LY6D: variants seen among roughly 807,000 people sequenced by gnomAD.
LY6D encodes lymphocyte antigen 6 family member D.
In LY6D, 7 loss-of-function variants were observed where a neutral mutation model predicts 5.6. The observed-to-expected ratio is 1.24, with a 90% CI of 0.71 to 2.34. The LOEUF (loss-of-function observed/expected upper bound fraction) is 2.34, where lower values mean the gene tolerates loss of function less well. LY6D is among the 30% of genes most tolerant of loss of function. The pLI is 0.00. For missense variants in LY6D, 148 were observed against 164.8 expected (o/e 0.90, Z 0.56); for synonymous variants, 81 against 75.0 (o/e 1.08, Z -0.41).
chr8:142,785,640 G>T lies in LY6D; in HGVS notation c.100C>A (p.His34Asn). 5 of 1,613,742 alleles carry T rather than the reference G, an allele frequency of 3.1e-6. No homozygotes were observed. The highest frequency in any genetic ancestry group is 2.2e-5 in the South Asian group (2 of 91,080). Residue 34 changes from histidine to asparagine, a missense_variant, in exon 2 of 3, where the codon CAT becomes AAT. Coordinates refer to ENST00000301263, the MANE Select transcript of LY6D (RefSeq NM_003695.3). ...HVCTSSSNCK[H>N]SVVCPASSRF... Reference sequence around the variant, plus strand: ...GAGCTGGCCGGGCAGACCACAGAATGCTTGCAGTTGCTGGAGCTGGTGCAC... The same window carrying T: ...GAGCTGGCCGGGCAGACCACAGAATTCTTGCAGTTGCTGGAGCTGGTGCAC...
Position 142,785,756 on chromosome 8 carries a change from C to T in LY6D, c.53-69G>A. 3.1e-6 allele frequency: 5 copies of T among 1,587,634 alleles called. No homozygotes were observed. In the South Asian group the frequency reaches 3.4e-5, roughly 11 times the overall value. The stretch of plus-strand genomic sequence containing the variant: ...CCTGGTGACTCAGCAGGGCCTGCTC[C>T]CCCACCTGCAGAGACCCCTCCTGGA... On this transcript the variant is annotated intron_variant, in intron 1 of 2. Coordinates refer to ENST00000301263, the MANE Select transcript of LY6D (RefSeq NM_003695.3).
In LY6D at chr8:142,785,732, C is replaced by T; in HGVS notation, c.53-45G>A. On this transcript the variant is annotated intron_variant, in intron 1 of 2. Coordinates refer to ENST00000301263, the MANE Select transcript of LY6D (RefSeq NM_003695.3). ...GCTCAGCGGGCCCAACAGAGGCCTC[C>T]TGGTGACTCAGCAGGGCCTGCTCCC... The T allele has an allele frequency of 3.7e-6, 6 of 1,608,270 alleles. No homozygotes were observed. In the African/African-American group the frequency reaches 5.3e-5, roughly 14 times the overall value.
chr8:142,785,842 A>G, intron 1 of LY6D, 155 bp from the exon 2 acceptor site: 1 of 1,448,740 alleles, frequency 6.9e-7, no homozygotes, highest in Non-Finnish European at 9.1e-7. Context: ...CTGGCAGGGC[A>G]TGTGCCCTGA....
intron 1 of LY6D, chr8:142,785,995 C>T (rs1815648479): frequency 1.6e-6 from 2 of 1,285,202 alleles, no homozygotes; most frequent in Admixed American, 7.2e-5. Flanking sequence ...TGGCTCTTGT[C>T]CCCACCCCAG....
At chr8:142,786,363 G>C in intron 1 of LY6D, 102 bp downstream of exon 1, 2 of 1,441,796 alleles carry the variant, frequency 1.4e-6, no homozygotes, top group South Asian at 1.5e-5. Flanking sequence ...ACAGTGTCGG[G>C]GTTCTCTGTG....
intron 2 of LY6D, 45 bp downstream of exon 2, chr8:142,785,544 G>A: frequency 1.2e-5 from 20 of 1,605,304 alleles, no homozygotes; most frequent in Non-Finnish European, 1.7e-5. Flanking sequence ...ACAACAGCCA[G>A]GGATGTCCCC....
Position 142,785,114 on chromosome 8 carries a change from C to A in LY6D, c.*107G>T, listed in dbSNP as rs1179400073. On this transcript the variant is annotated 3_prime_UTR_variant, in exon 3 of 3. Transcript: ENST00000301263. Reference sequence around the variant, plus strand: ...ACCTGGTCCCAGACTTTCGGGGAAGCCCTCAGCCTGGGGCTCCTGGCACCC... The same window carrying A: ...ACCTGGTCCCAGACTTTCGGGGAAGACCTCAGCCTGGGGCTCCTGGCACCC... The A allele has an allele frequency of 8.0e-6, 7 of 874,222 alleles. No individual in the cohort carries two copies. The highest frequency in any genetic ancestry group is 1.2e-5 in the Non-Finnish European group (7 of 581,238). The allele number at this position is 874,222 out of a possible 1,614,324, so 54.2% of individuals were successfully genotyped here.
Position 142,786,492 on chromosome 8 carries a change from C to T in LY6D, c.25G>A (p.Ala9Thr). The change falls in exon 1 of 3, where the codon GCA becomes ACA. Residue 9 changes from alanine (A) to threonine (T), a missense_variant. Physicochemically the swap from Ala to Thr is moderately conservative, Grantham distance 58. Transcript: ENST00000301263. MRTALLLLAALAVATGPAL... is the reference protein window; with the variant it reads MRTALLLLTALAVATGPAL... The stretch of plus-strand genomic sequence containing the variant: ...GGCCCTGTAGCCACAGCCAGGGCTG[C>T]AAGGAGCAGCAATGCTGTCCTCATC... The T allele has an allele frequency of 6.6e-7, 1 of 1,512,108 alleles. No homozygotes were observed. Among genetic ancestry groups the T allele is most frequent in the Middle Eastern group, 1.8e-4 (1 of 5,684 alleles). 93.7% of individuals were successfully genotyped at this position (1,512,108 alleles called of 1,614,324 possible).
intron 1 of LY6D, chr8:142,786,009 A>C (rs2239703): frequency 0.11 from 136,488 of 1,257,366 alleles, 8,595 homozygotes; most frequent in East Asian, 0.24. Context: ...ACCCCAGGGG[A>C]TGTCCCTGGA....
Position 142,785,256 on chromosome 8 carries a change from T to A in LY6D, c.352A>T (p.Ser118Cys). ...HSALSLGLAL[S>C]LLAVILAPSL ...GGGGCTAAGATGACGGCCAGGAGGCTCAGGGCCAGCCCCAGGCTGAGGGCA... is the reference window on the plus strand; with the variant it reads ...GGGGCTAAGATGACGGCCAGGAGGCACAGGGCCAGCCCCAGGCTGAGGGCA... The change falls in exon 3 of 3, where the codon AGC becomes TGC. Residue 118 changes from serine (S) to cysteine (C), a missense_variant. Transcript: ENST00000301263. The A allele has an allele frequency of 6.2e-7, 1 of 1,610,364 alleles. No homozygotes were observed. The highest frequency in any genetic ancestry group is 8.5e-7 in the Non-Finnish European group (1 of 1,177,684).
chr8:142,785,555 C>T, intron 2 of LY6D, 34 bp downstream of exon 2: 1 of 1,608,216 alleles, frequency 6.2e-7, no homozygotes, highest in Non-Finnish European at 8.5e-7. Context: ...GGATGTCCCC[C>T]AGCCCCAGGG....
intron 2 of LY6D, 25 bp from the exon 3 acceptor site, chr8:142,785,481 G>A (rs1220323253): frequency 1.2e-6 from 2 of 1,600,106 alleles, no homozygotes; most frequent in Non-Finnish European, 1.7e-6. Context: ...GTGTGGTCAG[G>A]CCAGGCAGCC....
chr8:142,785,487 C>G, intron 2 of LY6D, 31 bp from the exon 3 acceptor site: 1 of 1,599,336 alleles, frequency 6.3e-7, no homozygotes, highest in Non-Finnish European at 8.6e-7. Flanking sequence ...TCAGGCCAGG[C>G]AGCCACCTCT....
rs759072011 is a variant in LY6D, at chr8:142,785,053, C to T, written c.*168G>A. On this transcript the variant is annotated 3_prime_UTR_variant, in exon 3 of 3. Coordinates refer to ENST00000301263, the MANE Select transcript of LY6D (RefSeq NM_003695.3). ...TTCATCCTCTGTGGGGTCTGTGGGG[C>T]CTGCTCCAAGTCATCAGCATTCCAT... is the stretch of plus-strand genomic sequence containing the variant. 1 of 607,708 alleles carries T rather than the reference C, an allele frequency of 1.6e-6. No homozygotes were observed. The allele number at this position is 607,708 out of a possible 1,614,324, so 37.6% of individuals were successfully genotyped here. A position where few individuals can be genotyped will look rare whatever the true frequency, so the allele number is the denominator to read the frequency against.
At chr8:142,786,319 C>T (rs1815654353) in intron 1 of LY6D, 146 bp downstream of exon 1, 19 of 1,376,742 alleles carry the variant, frequency 1.4e-5, no homozygotes, top group Non-Finnish European at 1.8e-5. Context: ...GATTCGGGCT[C>T]CATGTTGTTT....
chr8:142,785,502 C>T, intron 2 of LY6D, 46 bp from the exon 3 acceptor site: 1 of 1,598,790 alleles, frequency 6.3e-7, no homozygotes, highest in African/African-American at 1.3e-5. Flanking sequence ...ACCTCTGCCC[C>T]CCACCTCCCC....
chr8:142,785,923 AG>A, intron 1 of LY6D: 1 of 1,391,616 alleles, frequency 7.2e-7, no homozygotes, highest in Non-Finnish European at 9.3e-7. Flanking sequence ...GCCCCTGTCT[AG>A]GGTGTGTTGC....
Position 142,785,298 on chromosome 8 carries a change from T to C in LY6D, c.310A>G (p.Thr104Ala). The stretch of plus-strand genomic sequence containing the variant: ...CTGAGGGCACTGTGGGCGAGGGCGG[T>C]GCGGGTGGGTGCAGCGTTGTGCAGC... ...EKLHNAAPTRTALAHSALSLG... is the reference protein window; with the variant it reads ...EKLHNAAPTRAALAHSALSLG... Residue 104 changes from threonine to alanine, a missense_variant, in exon 3 of 3, where the codon ACC (threonine) becomes GCC (alanine). Transcript: ENST00000301263. The C allele has an allele frequency of 1.2e-6, 2 of 1,613,410 alleles. No homozygotes were observed. The highest frequency in any genetic ancestry group is 1.7e-6 in the Non-Finnish European group (2 of 1,179,858).
rs1405922368 is a variant in LY6D at position 142,785,703 on chromosome 8, TCCGGCTCAGCGGG to T, written c.53-29_53-17del. 11 of 1,611,354 alleles carry T rather than the reference TCCGGCTCAGCGGG, an allele frequency of 6.8e-6. No individual in the cohort carries two copies. Among genetic ancestry groups the T allele is most frequent in the Non-Finnish European group, 6.8e-6 (8 of 1,179,482 alleles). On this transcript the variant is annotated splice_polypyrimidine_tract_variant and intron_variant, in intron 1 of 2. Transcript: ENST00000301263. ...AGGGTAAGGGCTGGCGGGGAGGGAG[TCCGGCTCAGCGGG>T]CCCAACAGAGGCCTCCTGGTGACTC... is the stretch of plus-strand genomic sequence containing the variant.
Sources: allele counts gnomAD v4.1 joint callset, GRCh38; gene constraint gnomAD v4.1.1; transcripts MANE v1.5; gene names NCBI Gene and HGNC (gene_info 2026-07-23, HGNC 2026-07-21).